Variants in BEND2 observed in about 807,000 individuals in gnomAD.
The protein encoded by BEND2 is BEN domain containing 2, also known as BEN domain-containing protein 2.
A neutral mutation model predicts 43.8 loss-of-function variants in BEND2; 19 were observed. That is an observed-to-expected ratio of 0.43 (90% CI 0.30 to 0.64). BEND2 has a LOEUF of 0.64. BEND2 is among the 30% of genes least tolerant of loss of function. The probability of loss-of-function intolerance (pLI) is 0.11; values close to 1 mark genes in which losing one functional copy is unlikely to be tolerated. For missense variants in BEND2, 544 were observed against 574.0 expected, an observed-to-expected ratio of 0.95 and a Z score of 0.53; for synonymous variants, 226 against 210.1, an observed-to-expected ratio of 1.08 and a Z score of -0.66.
chrX:18,209,296 A>G (rs188104952), intron 4 of BEND2, among the ~76,000 whole-genome samples: 27 of 111,791 alleles, frequency 2.4e-4, no homozygotes, highest in Non-Finnish European at 1.9e-5. Flanking sequence ...AACATAAGGC[A>G]CACACCACAA....
chrX:18,172,935 A>G (rs5909413), intron 12 of BEND2, among the ~76,000 whole-genome samples: 17,594 of 110,708 alleles, frequency 0.16, 1,131 homozygotes, highest in East Asian at 0.34. Flanking sequence ...GAAGGAGAGT[A>G]ATTATATGGG....
rs377017546 is a variant in BEND2, at chrX:18,198,937, T to C, written c.1033+2878A>G. On this transcript the variant is annotated intron_variant, in intron 6 of 13. Coordinates refer to ENST00000380033, the MANE Select transcript of BEND2 (RefSeq NM_153346.5). ...TGAAATTGGAAATCATCATTCTCAG[T>C]AAACTATCACAAGGACAAAAAACCA... Among the ~76,000 whole-genome samples the C allele has an allele frequency of 5.5e-4, 58 of 104,585 alleles. 1 individual carries two copies. In the South Asian group the frequency reaches 0.025, roughly 45 times the overall value. 90.8% of individuals were successfully genotyped at this position (104,585 alleles called of 115,157 possible).
At chrX:18,189,056 C>T (rs1250718686) in intron 8 of BEND2, among the ~76,000 whole-genome samples, 1 of 109,679 alleles carries the variant, frequency 9.1e-6, no homozygotes, top group African/African-American at 3.3e-5. Flanking sequence ...GAAAATTGGC[C>T]AGGCATGGTG....
chrX:18,201,888 A>C lies in BEND2; in HGVS notation c.960T>G (p.Asn320Lys). Residue 320 changes from asparagine to lysine, a missense_variant, in exon 6 of 14, where the codon AAT becomes AAG. Asn to Lys is a moderately conservative substitution (Grantham distance 94, BLOSUM62 0). Coordinates refer to ENST00000380033, the MANE Select transcript of BEND2 (RefSeq NM_153346.5). ...TGTAATTTCCCATTAAAGTTGGATA[A>C]TTCGCTGTCTCAGTGCTGTTTTTAC... is the stretch of plus-strand genomic sequence containing the variant. ...NSSKNSTETANYPTLMGNYNG... is the reference protein window; with the variant it reads ...NSSKNSTETAKYPTLMGNYNG... The C allele has an allele frequency of 1.3e-5, 16 of 1,210,352 alleles. No individual in the cohort carries two copies. The highest frequency in any genetic ancestry group is 1.8e-5 in the Non-Finnish European group (16 of 894,928).
At chrX:18,171,978 T>C (rs1479232997) in intron 12 of BEND2, among the ~76,000 whole-genome samples, 1 of 111,601 alleles carries the variant, frequency 9.0e-6, no homozygotes, top group Non-Finnish European at 1.9e-5. Flanking sequence ...CTTAGATATC[T>C]TATTTGAAAT....
At chrX:18,216,868 A>G (rs1349426820) in intron 1 of BEND2, 135 bp from the exon 2 acceptor site, 4 of 514,997 alleles carry the variant, frequency 7.8e-6, no homozygotes, top group Non-Finnish European at 9.4e-6. Flanking sequence ...ATATTTTTAT[A>G]TCTGTAATCA....
At chrX:18,193,860 C>T (rs909620798) in intron 7 of BEND2, among the ~76,000 whole-genome samples, 2 of 111,193 alleles carry the variant, frequency 1.8e-5, no homozygotes, top group Non-Finnish European at 3.8e-5. Context: ...TTGTTTTTTA[C>T]GTTAGTTCCT....
intron 5 of BEND2, among the ~76,000 whole-genome samples, chrX:18,202,297 A>G (rs1014464217): frequency 8.9e-6 from 1 of 112,417 alleles, no homozygotes; most frequent in Non-Finnish European, 1.9e-5. Flanking sequence ...AAACATGCAT[A>G]TGTCCAAACT....
chrX:18,199,282 CAA>C (rs1414746575), intron 6 of BEND2, among the ~76,000 whole-genome samples: 2 of 111,409 alleles, frequency 1.8e-5, no homozygotes, highest in African/African-American at 3.3e-5. Context: ...TTCTGGCAAA[CAA>C]AGTGAGATTG....
chrX:18,179,644 C>T (rs1924309072), intron 9 of BEND2, among the ~76,000 whole-genome samples: 1 of 112,323 alleles, frequency 8.9e-6, no homozygotes, highest in Admixed American at 9.5e-5. Context: ...TGAGGCTGCT[C>T]TTATCTTACA....
intron 8 of BEND2, among the ~76,000 whole-genome samples, chrX:18,184,912 A>G: frequency 9.0e-6 from 1 of 110,575 alleles, no homozygotes; most frequent in Non-Finnish European, 1.9e-5. Flanking sequence ...AAAGAAATTC[A>G]AGATAACACA....
At chrX:18,198,639 G>A (rs1015932402) in intron 6 of BEND2, among the ~76,000 whole-genome samples, 1 of 111,255 alleles carries the variant, frequency 9.0e-6, no homozygotes, top group African/African-American at 3.3e-5. Flanking sequence ...TGGAAGTCAG[G>A]GTGGCGATTC....
In BEND2 at chrX:18,197,263, C is replaced by T. The variant is rs780243923; in HGVS notation, c.1034-1821G>A. 5.4e-5 allele frequency among the ~76,000 whole-genome samples: 6 copies of T among 110,482 alleles called. No homozygotes were observed. The East Asian group carries it at 1.4e-3, about 26-fold the overall frequency. On this transcript the variant is annotated intron_variant, in intron 6 of 13. Coordinates refer to ENST00000380033, the MANE Select transcript of BEND2 (RefSeq NM_153346.5). Reference sequence around the variant, plus strand: ...CAGCCTGGCCAACATGGTGAAACCCCGTCCCTACTAAAAATACAAAAATTA... The same window carrying T: ...CAGCCTGGCCAACATGGTGAAACCCTGTCCCTACTAAAAATACAAAAATTA...
intron 9 of BEND2, 60 bp from the exon 10 acceptor site, chrX:18,177,829 A>ATATTAACCTTATGT: frequency 1.1e-6 from 1 of 932,532 alleles, no homozygotes; most frequent in Non-Finnish European, 1.5e-6. Flanking sequence ...GTACCCTCAA[A>ATATTAACCTTATGT]GTACACAAGA....
At chrX:18,166,479 C>T (rs1923825485) in intron 13 of BEND2, among the ~76,000 whole-genome samples, 1 of 111,562 alleles carries the variant, frequency 9.0e-6, no homozygotes, top group Non-Finnish European at 1.9e-5. Flanking sequence ...AGTGGAGCCT[C>T]CTTTTGCTGA....
chrX:18,212,747 C>A (rs1489963583), intron 3 of BEND2, 67 bp from the exon 4 acceptor site: 2 of 688,678 alleles, frequency 2.9e-6, no homozygotes, highest in Non-Finnish European at 4.4e-6. Flanking sequence ...TACGGATATG[C>A]TCTCAGAATG....
intron 4 of BEND2, among the ~76,000 whole-genome samples, chrX:18,212,092 CTTT>C (rs758303697): frequency 1.5e-4 from 11 of 71,047 alleles, no homozygotes; most frequent in African/African-American, 2.6e-4. Context: ...TTATTACTGT[CTTT>C]TTTTTTTTTT....
At chrX:18,189,051 T>C (rs1038476403) in intron 8 of BEND2, among the ~76,000 whole-genome samples, 1 of 107,882 alleles carries the variant, frequency 9.3e-6, no homozygotes. Flanking sequence ...ATACAGAAAA[T>C]TGGCCAGGCA....
At chrX:18,181,409 C>T (rs1924382743) in intron 8 of BEND2, among the ~76,000 whole-genome samples, 1 of 110,807 alleles carries the variant, frequency 9.0e-6, no homozygotes, top group East Asian at 2.8e-4. Flanking sequence ...AACCTGAAAA[C>T]AATCCAAGTG....
Sources: allele counts gnomAD v4.1 joint callset (sites outside exome capture counted in the v4.1 genomes callset), GRCh38; gene constraint gnomAD v4.1.1; transcripts MANE v1.5; gene names NCBI Gene and HGNC (gene_info 2026-07-23, HGNC 2026-07-21).